Variants in PARD6A observed in about 807,000 individuals in gnomAD.
PARD6A encodes partitioning defective 6 homolog alpha.
Under a neutral mutation model 21.3 loss-of-function variants are expected in PARD6A, and 20 were observed. The ratio of observed to expected loss-of-function variants is 0.94; its 90% CI spans 0.66 to 1.36. The LOEUF (loss-of-function observed/expected upper bound fraction) is 1.36. PARD6A is among the 40% of genes most tolerant of loss of function. The probability of loss-of-function intolerance (pLI) is 0.00; values close to 1 mark genes in which losing one functional copy is unlikely to be tolerated. For missense variants in PARD6A, 411 were observed against 482.0 expected (o/e 0.85, Z 1.38); for synonymous variants, 214 against 204.8 (o/e 1.04, Z -0.38).
Position 67,661,928 on chromosome 16 carries a change from A to G in PARD6A, c.319A>G (p.Asn107Asp). The G allele has an allele frequency of 6.2e-7, 1 of 1,607,078 alleles. No homozygotes were observed. The highest frequency in any genetic ancestry group is 8.5e-7 in the Non-Finnish European group (1 of 1,178,702). Residue 107 changes from asparagine (N) to aspartate (D), a missense_variant, in exon 3 of 3, where the codon AAC (asparagine) becomes GAC (aspartate). Transcript: ENST00000458121. This position sits in a 1 kb window ranked among gnomAD's most constrained non-coding sequence, Gnocchi z 7.0. ...ADSSGLAFAS[N>D]SLQRRKKGLL... Reference sequence around the variant, plus strand: ...CTCCAGCGGCCTGGCTTTTGCCTCCAACTCTCTGCAGCGGCGCAAGAAAGG... The same window carrying G: ...CTCCAGCGGCCTGGCTTTTGCCTCCGACTCTCTGCAGCGGCGCAAGAAAGG...
At position 67,661,011 on chromosome 16, in the gene PARD6A, C is replaced by T. The variant is rs1275028482; in HGVS notation, c.-28C>T. ...CTGCGCCTCGGCGGGCCGCCTGGGG[C>T]ACCGTCCCCGGCCCGCCCGGCCCCG... On this transcript the variant is annotated 5_prime_UTR_variant, in exon 1 of 3. Coordinates refer to ENST00000458121, the MANE Select transcript of PARD6A (RefSeq NM_001037281.2). The surrounding 1 kb of genome is among the most constrained non-coding windows in gnomAD (Gnocchi z 7.0). 10 of 1,329,000 alleles carry T rather than the reference C, an allele frequency of 7.5e-6. No individual in the cohort carries two copies. Among genetic ancestry groups the T allele is most frequent in the East Asian group, 6.7e-5 (2 of 29,920 alleles). The allele number at this position is 1,329,000 out of a possible 1,614,324, so 82.3% of individuals were successfully genotyped here. A position where few individuals can be genotyped will look rare whatever the true frequency, so the allele number is the denominator to read the frequency against.
rs999092832 is a variant in PARD6A, at chr16:67,661,289, A to T, written c.64-166A>T. The T allele has an allele frequency of 2.6e-5, 28 of 1,056,650 alleles. No individual in the cohort carries two copies. Among genetic ancestry groups the T allele is most frequent in the Non-Finnish European group, 3.7e-5 (27 of 737,210 alleles). 65.5% of individuals were successfully genotyped at this position (1,056,650 alleles called of 1,614,324 possible). A position where few individuals can be genotyped will look rare whatever the true frequency, so the allele number is the denominator to read the frequency against. ...AGCTCTCTGTGGCCTGAGTACCTGG[A>T]GGGCGGTAAGAAGACCTTGGACAGC... is the stretch of plus-strand genomic sequence containing the variant. On this transcript the variant is annotated intron_variant, in intron 1 of 2. Coordinates refer to ENST00000458121, the MANE Select transcript of PARD6A (RefSeq NM_001037281.2). This position sits in a 1 kb window ranked among gnomAD's most constrained non-coding sequence, Gnocchi z 7.0.
chr16:67,662,278 C>A lies in PARD6A; in HGVS notation c.669C>A (p.Ala223=). ...TCGAGGTCAATGGCATTGAAGTAGCCGGGAAGACCTTGGACCAAGTGACGG... is the reference window on the plus strand; with the variant it reads ...TCGAGGTCAATGGCATTGAAGTAGCAGGGAAGACCTTGGACCAAGTGACGG... ...EILEVNGIEV[A]GKTLDQVTDM... Residue 223 remains alanine (A), a synonymous_variant, in exon 3 of 3, where the codon GCC becomes GCA. Coordinates refer to ENST00000458121, the MANE Select transcript of PARD6A (RefSeq NM_001037281.2). The surrounding 1 kb of genome is among the most constrained non-coding windows in gnomAD (Gnocchi z 6.9). 1 of 1,614,084 alleles carries A rather than the reference C, an allele frequency of 6.2e-7. No individual in the cohort carries two copies.
Position 67,662,677 on chromosome 16 carries a change from C to T in PARD6A, c.*30C>T. ...CAGGATGAAGCCCCATGCCACTCCA[C>T]ACTGCTGGGACATGGCAGGGACTTC... On this transcript the variant is annotated 3_prime_UTR_variant, in exon 3 of 3. Transcript: ENST00000458121. The surrounding 1 kb of genome is among the most constrained non-coding windows in gnomAD (Gnocchi z 6.9). The T allele has an allele frequency of 6.6e-7, 1 of 1,510,904 alleles. No homozygotes were observed. Among genetic ancestry groups the T allele is most frequent in the Non-Finnish European group, 8.9e-7 (1 of 1,129,780 alleles). The allele number at this position is 1,510,904 out of a possible 1,614,324, so 93.6% of individuals were successfully genotyped here.
chr16:67,662,618 C>T lies in PARD6A; in HGVS notation c.1009C>T (p.Arg337Ter). 3.1e-6 allele frequency: 5 copies of T among 1,595,252 alleles called. No homozygotes were observed. Among genetic ancestry groups the T allele is most frequent in the Non-Finnish European group, 4.3e-6 (5 of 1,170,056 alleles). The change falls in exon 3 of 3, where the codon CGA becomes TGA. Residue 337 changes from arginine to a stop codon, truncating the protein, a stop_gained. Coordinates refer to ENST00000458121, the MANE Select transcript of PARD6A (RefSeq NM_001037281.2). LOFTEE classifies it high-confidence loss of function. The surrounding 1 kb of genome is among the most constrained non-coding windows in gnomAD (Gnocchi z 6.9). Reference sequence around the variant, plus strand: ...CAGTTCTGGCTGGGGGAGTCGCATTCGAGGAGATGGTAGTGGCTTCAGCCT... The same window carrying T: ...CAGTTCTGGCTGGGGGAGTCGCATTTGAGGAGATGGTAGTGGCTTCAGCCT... ...QASSGWGSRI[R>*]GDGSGFSL
Position 67,662,236 on chromosome 16 carries a change from G to C in PARD6A, c.627G>C (p.Ala209=), listed in dbSNP as rs141258993. The C allele has an allele frequency of 1.9e-6, 3 of 1,614,096 alleles. No individual in the cohort carries two copies. The highest frequency in any genetic ancestry group is 1.1e-5 in the South Asian group (1 of 91,090). ...GGLAESTGLL[A]VSDEILEVNG... Reference sequence around the variant, plus strand: ...TGGCTGAGAGTACAGGGCTGCTGGCGGTCAGTGATGAGATCCTCGAGGTCA... The same window carrying C: ...TGGCTGAGAGTACAGGGCTGCTGGCCGTCAGTGATGAGATCCTCGAGGTCA... The change falls in exon 3 of 3, where the codon GCG becomes GCC. Residue 209 remains alanine, a synonymous_variant. Coordinates refer to ENST00000458121, the MANE Select transcript of PARD6A (RefSeq NM_001037281.2). This position sits in a 1 kb window ranked among gnomAD's most constrained non-coding sequence, Gnocchi z 6.9.
rs1296603733 is a variant in PARD6A at position 67,661,655 on chromosome 16, G to C, written c.264G>C (p.Leu88=). ...CCCTGGCCAGCGGGCCCCCGCCACT[G>C]CGCCTACTGGTGCAGAAGCGGGGTG... The part of the protein sequence containing the change: ...HRALASGPPP[L]RLLVQKREAD... The change falls in exon 2 of 3, where the codon CTG becomes CTC. Residue 88 remains leucine, a synonymous_variant. Coordinates refer to ENST00000458121, the MANE Select transcript of PARD6A (RefSeq NM_001037281.2). The surrounding 1 kb of genome is among the most constrained non-coding windows in gnomAD (Gnocchi z 7.0). 2 of 1,608,752 alleles carry C rather than the reference G, an allele frequency of 1.2e-6. No homozygotes were observed. Among genetic ancestry groups the C allele is most frequent in the African/African-American group, 2.7e-5 (2 of 74,954 alleles).
Position 67,662,393 on chromosome 16 carries a change from T to G in PARD6A, c.784T>G (p.Leu262Val), listed in dbSNP as rs1441710465. The change falls in exon 3 of 3, where the codon TTG (leucine) becomes GTG (valine). Residue 262 changes from leucine to valine, a missense_variant. Physicochemically the swap from Leu to Val is conservative, Grantham distance 32 (BLOSUM62 1). Transcript: ENST00000458121. This position sits in a 1 kb window ranked among gnomAD's most constrained non-coding sequence, Gnocchi z 6.9. Reference sequence around the variant, plus strand: ...CGTGGTGCGAGGGGCATCTGGGCGTTTGACAGGTCCTCCCTCTGCAGGGCC... The same window carrying G: ...CGTGGTGCGAGGGGCATCTGGGCGTGTGACAGGTCCTCCCTCTGCAGGGCC... ...NNVVRGASGR[L>V]TGPPSAGPGP... 1.2e-6 allele frequency: 2 copies of G among 1,614,060 alleles called. No homozygotes were observed.
chr16:67,662,309 A>T lies in PARD6A; in HGVS notation c.700A>T (p.Met234Leu). 6.2e-7 allele frequency: 1 copy of T among 1,614,060 alleles called. No homozygotes were observed. The highest frequency in any genetic ancestry group is 8.5e-7 in the Non-Finnish European group (1 of 1,180,028). The change falls in exon 3 of 3, where the codon ATG (methionine) becomes TTG (leucine). Residue 234 changes from methionine to leucine, a missense_variant. Physicochemically the swap from Met to Leu is conservative, Grantham distance 15 (BLOSUM62 2). Transcript: ENST00000458121. This position sits in a 1 kb window ranked among gnomAD's most constrained non-coding sequence, Gnocchi z 6.9. ...GKTLDQVTDM[M>L]VANSHNLIVT... ...GACCTTGGACCAAGTGACGGACATGATGGTTGCCAACAGCCATAACCTCAT... is the reference window on the plus strand; with the variant it reads ...GACCTTGGACCAAGTGACGGACATGTTGGTTGCCAACAGCCATAACCTCAT...
At position 67,661,547 on chromosome 16, in the gene PARD6A, C is replaced by T; in HGVS notation, c.156C>T (p.Ile52=). 6.2e-7 allele frequency: 1 copy of T among 1,610,586 alleles called. No homozygotes were observed. Among genetic ancestry groups the T allele is most frequent in the Non-Finnish European group, 8.5e-7 (1 of 1,179,986 alleles). Residue 52 remains isoleucine, a synonymous_variant, in exon 2 of 3, where the codon ATC becomes ATT. Coordinates refer to ENST00000458121, the MANE Select transcript of PARD6A (RefSeq NM_001037281.2). This position sits in a 1 kb window ranked among gnomAD's most constrained non-coding sequence, Gnocchi z 7.0. ...GGTTGCTGCGGGCGGTGCACCAGAT[C>T]CCGGGCCTGGACGTGCTACTTGGCT... ...FSRLLRAVHQ[I]PGLDVLLGYT...
At position 67,661,410 on chromosome 16, in the gene PARD6A, C is replaced by T. The variant is rs746958614; in HGVS notation, c.64-45C>T. On this transcript the variant is annotated intron_variant, in intron 1 of 2. Transcript: ENST00000458121. The surrounding 1 kb of genome is among the most constrained non-coding windows in gnomAD (Gnocchi z 7.0). ...CTGCCAGCCTGCGGTGAGAAAGGGGCGCAGGCTGTCCTGACTCCTCCTCTC... is the reference window on the plus strand; with the variant it reads ...CTGCCAGCCTGCGGTGAGAAAGGGGTGCAGGCTGTCCTGACTCCTCCTCTC... 2 of 1,595,992 alleles carry T rather than the reference C, an allele frequency of 1.3e-6. No homozygotes were observed. Among genetic ancestry groups the T allele is most frequent in the Admixed American group, 1.7e-5 (1 of 59,540 alleles).
rs115108685 is a variant in PARD6A at position 67,662,443 on chromosome 16, C to T, written c.834C>T (p.Asp278=). 4.9e-3 allele frequency: 7,859 copies of T among 1,613,632 alleles called. 106 individuals carry two copies. The highest frequency in any genetic ancestry group is 0.039 in the African/African-American group (2,916 of 75,050). ...AGPGPAEPDS[D]DDSSDLVIEN... ...CTGGGCCTGCTGAGCCTGATAGTGA[C>T]GATGACAGCAGTGACCTGGTCATTG... The change falls in exon 3 of 3, where the codon GAC becomes GAT. Residue 278 remains aspartate (D), a synonymous_variant. Transcript: ENST00000458121. The surrounding 1 kb of genome is among the most constrained non-coding windows in gnomAD (Gnocchi z 6.9).
Position 67,661,010 on chromosome 16 carries a change from G to T in PARD6A, c.-29G>T, listed in dbSNP as rs770831462. ...CCTGCGCCTCGGCGGGCCGCCTGGG[G>T]CACCGTCCCCGGCCCGCCCGGCCCC... is the stretch of plus-strand genomic sequence containing the variant. On this transcript the variant is annotated 5_prime_UTR_variant, in exon 1 of 3. Coordinates refer to ENST00000458121, the MANE Select transcript of PARD6A (RefSeq NM_001037281.2). This position sits in a 1 kb window ranked among gnomAD's most constrained non-coding sequence, Gnocchi z 7.0. The T allele has an allele frequency of 1.5e-6, 2 of 1,322,488 alleles. No homozygotes were observed. Among genetic ancestry groups the T allele is most frequent in the South Asian group, 1.6e-5 (1 of 63,796 alleles). The allele number at this position is 1,322,488 out of a possible 1,614,324, so 81.9% of individuals were successfully genotyped here. A position where few individuals can be genotyped will look rare whatever the true frequency, so the allele number is the denominator to read the frequency against.
chr16:67,661,458 G>T lies in PARD6A; in HGVS notation c.67G>T (p.Asp23Tyr). ...CTCCCCCAACCCCGACTTCCAGTTT[G>T]ACGCCGAGTTCCGACGCTTCGCGCT... ...DSIVEVKSKF[D>Y]AEFRRFALPR... The change falls in exon 2 of 3, where the codon GAC becomes TAC. Residue 23 changes from aspartate (D) to tyrosine (Y), a missense_variant. Physicochemically the swap from Asp to Tyr is radical, Grantham distance 160. Coordinates refer to ENST00000458121, the MANE Select transcript of PARD6A (RefSeq NM_001037281.2). This position sits in a 1 kb window ranked among gnomAD's most constrained non-coding sequence, Gnocchi z 7.0. The T allele has an allele frequency of 6.2e-7, 1 of 1,607,062 alleles. No homozygotes were observed. The highest frequency in any genetic ancestry group is 8.5e-7 in the Non-Finnish European group (1 of 1,179,932).
rs2053006821 is a variant in PARD6A, at chr16:67,661,118, C to T, written c.63+17C>T. 2 of 1,603,374 alleles carry T rather than the reference C, an allele frequency of 1.2e-6. No individual in the cohort carries two copies. The highest frequency in any genetic ancestry group is 1.3e-5 in the African/African-American group (1 of 74,856). The stretch of plus-strand genomic sequence containing the variant: ...AAGAGCAAAGTAAGGGCTCCTCCGG[C>T]CTCGGCCCTAGGCGCTCCCAATTCC... On this transcript the variant is annotated intron_variant, in intron 1 of 2. Transcript: ENST00000458121. This position sits in a 1 kb window ranked among gnomAD's most constrained non-coding sequence, Gnocchi z 7.0.
chr16:67,662,429 G>A lies in PARD6A; in HGVS notation c.820G>A (p.Glu274Lys), dbSNP rs754832869. The A allele has an allele frequency of 8.7e-6, 14 of 1,613,714 alleles. No individual in the cohort carries two copies. In the African/African-American group the frequency reaches 1.1e-4, roughly 12 times the overall value. Reference protein sequence around the residue: ...GPPSAGPGPAEPDSDDDSSDL... With the variant: ...GPPSAGPGPAKPDSDDDSSDL... ...TCCCTCTGCAGGGCCTGGGCCTGCT[G>A]AGCCTGATAGTGACGATGACAGCAG... is the stretch of plus-strand genomic sequence containing the variant. Residue 274 changes from glutamate to lysine, a missense_variant, in exon 3 of 3, where the codon GAG (glutamate) becomes AAG (lysine). Coordinates refer to ENST00000458121, the MANE Select transcript of PARD6A (RefSeq NM_001037281.2). This position sits in a 1 kb window ranked among gnomAD's most constrained non-coding sequence, Gnocchi z 6.9.
At position 67,661,912 on chromosome 16, in the gene PARD6A, C is replaced by A. The variant is rs766257662; in HGVS notation, c.303C>A (p.Gly101=). ...LVQKREADSS[G]LAFASNSLQR... Reference sequence around the variant, plus strand: ...CTGCAGCAGAAGCTGACTCCAGCGGCCTGGCTTTTGCCTCCAACTCTCTGC... The same window carrying A: ...CTGCAGCAGAAGCTGACTCCAGCGGACTGGCTTTTGCCTCCAACTCTCTGC... The change falls in exon 3 of 3, where the codon GGC becomes GGA. Residue 101 remains glycine, a synonymous_variant. Transcript: ENST00000458121. The surrounding 1 kb of genome is among the most constrained non-coding windows in gnomAD (Gnocchi z 7.0). 6.2e-7 allele frequency: 1 copy of A among 1,600,028 alleles called. No homozygotes were observed. Among genetic ancestry groups the A allele is most frequent in the Middle Eastern group, 1.7e-4 (1 of 6,018 alleles).
At position 67,661,335 on chromosome 16, in the gene PARD6A, G is replaced by A. The variant is rs2053012013; in HGVS notation, c.64-120G>A. 3 of 1,369,760 alleles carry A rather than the reference G, an allele frequency of 2.2e-6. No individual in the cohort carries two copies. Among genetic ancestry groups the A allele is most frequent in the Non-Finnish European group, 2.9e-6 (3 of 1,023,388 alleles). 84.9% of individuals were successfully genotyped at this position (1,369,760 alleles called of 1,614,324 possible). A position where few individuals can be genotyped will look rare whatever the true frequency, so the allele number is the denominator to read the frequency against. On this transcript the variant is annotated intron_variant, in intron 1 of 2. Transcript: ENST00000458121. The surrounding 1 kb of genome is among the most constrained non-coding windows in gnomAD (Gnocchi z 7.0). ...ACAGCGTCCCTGGTACTGGAGCTGA[G>A]GTCTGGGCTTAAGGCTGCCGCAAAA...
chr16:67,661,762 C>A lies in PARD6A; in HGVS notation c.286+85C>A. ...AAGGGTTAGTCCATGCCCAGGGTAC[C>A]CAAGCGTCACCCTCTGCAGTCCCTG... On this transcript the variant is annotated intron_variant, in intron 2 of 2. Coordinates refer to ENST00000458121, the MANE Select transcript of PARD6A (RefSeq NM_001037281.2). This position sits in a 1 kb window ranked among gnomAD's most constrained non-coding sequence, Gnocchi z 7.0. 1 of 1,555,500 alleles carries A rather than the reference C, an allele frequency of 6.4e-7. No homozygotes were observed. The highest frequency in any genetic ancestry group is 1.2e-5 in the South Asian group (1 of 83,564).
Sources: allele counts gnomAD v4.1 joint callset, GRCh38; gene constraint gnomAD v4.1.1; non-coding constraint Gnocchi (gnomAD v3.1); transcripts MANE v1.5; gene names NCBI Gene and HGNC (gene_info 2026-07-23, HGNC 2026-07-21).